RBFOX1: variants seen among roughly 807,000 people sequenced by gnomAD.
RBFOX1 encodes RNA binding protein fox-1 homolog 1.
RBFOX1 carries 8 observed loss-of-function variants against 57.7 expected under a neutral mutation model. The observed-to-expected ratio is 0.14, with a 90% CI of 0.08 to 0.25. The LOEUF (loss-of-function observed/expected upper bound fraction) is 0.25, where lower values mean the gene tolerates loss of function less well. RBFOX1 is among the 10% of genes least tolerant of loss of function. The probability of loss-of-function intolerance (pLI) is 1.00; values close to 1 mark genes in which losing one functional copy is unlikely to be tolerated. For missense variants in RBFOX1, 611 were observed against 548.5 expected (o/e 1.11, Z -1.14); for synonymous variants, 326 against 222.4 (o/e 1.47, Z -4.15).
At chr16:6,033,581 C>A (rs1329922082) in intron 1 of RBFOX1, among the ~76,000 whole-genome samples, 1 of 151,822 alleles carries the variant, frequency 6.6e-6, no homozygotes, top group South Asian at 2.1e-4. Context: ...AGGATTATTC[C>A]CTCTCATTGT....
chr16:6,896,146 G>A (rs2066859114), intron 3 of RBFOX1, among the ~76,000 whole-genome samples: 1 of 152,072 alleles, frequency 6.6e-6, no homozygotes, highest in Admixed American at 6.6e-5. Context: ...GGTGGTGGGT[G>A]TCTGTAATCC....
chr16:5,652,499 C>T (rs990488255), intron 3 of RBFOX1, among the ~76,000 whole-genome samples: 3 of 152,154 alleles, frequency 2.0e-5, no homozygotes, highest in African/African-American at 7.2e-5. Flanking sequence ...TAATCAGAGT[C>T]TTTGTGCAAC....
intron 1 of RBFOX1, among the ~76,000 whole-genome samples, chr16:5,294,019 A>G (rs2063599851): frequency 6.6e-6 from 1 of 152,188 alleles, no homozygotes. Flanking sequence ...ACCTGAGGCC[A>G]GGAGTTCGAG....
chr16:5,599,285 G>T, exon 3 of RBFOX1: 1 of 641,978 alleles, frequency 1.6e-6, no homozygotes, highest in South Asian at 1.8e-5. Context: ...GCCCTGGTGT[G>T]ACGGCCCCAG....
chr16:6,021,446 A>G (rs931519519), intron 1 of RBFOX1, among the ~76,000 whole-genome samples: 1 of 152,198 alleles, frequency 6.6e-6, no homozygotes, highest in Non-Finnish European at 1.5e-5. Flanking sequence ...ATTTTTAGCT[A>G]AGATCTTTTA....
At chr16:7,255,739 A>G (rs2094650827) in intron 4 of RBFOX1, among the ~76,000 whole-genome samples, 1 of 152,246 alleles carries the variant, frequency 6.6e-6, no homozygotes, top group Non-Finnish European at 1.5e-5. Flanking sequence ...TACTTAATAT[A>G]TCCAACATAT....
intron 2 of RBFOX1, among the ~76,000 whole-genome samples, chr16:6,577,781 G>C (rs2097463017): frequency 1.3e-5 from 2 of 152,122 alleles, no homozygotes; most frequent in Admixed American, 1.3e-4. Context: ...CCAGTCACAT[G>C]GCCTCCTTTT....
At chr16:5,756,407 T>C (rs191051938) in intron 3 of RBFOX1, among the ~76,000 whole-genome samples, 7,904 of 152,050 alleles carry the variant, frequency 0.052, 688 homozygotes, top group African/African-American at 0.18. Context: ...GATACCGTTT[T>C]TCTTCTTGCT....
chr16:6,311,295 CAAAAAAA>C (rs71145210), intron 1 of RBFOX1, among the ~76,000 whole-genome samples: 13 of 91,236 alleles, frequency 1.4e-4, no homozygotes, highest in Non-Finnish European at 2.3e-4. Context: ...GACTCTGTCT[CAAAAAAA>C]AAAAAAAAAA....
At chr16:6,978,037 C>G (rs551928351) in intron 3 of RBFOX1, among the ~76,000 whole-genome samples, 373 of 150,522 alleles carry the variant, frequency 2.5e-3, no homozygotes, top group African/African-American at 8.8e-3. Flanking sequence ...GTCCCCCAAG[C>G]CCCGCCCTCC....
At chr16:5,254,752 G>C (rs763156907) in intron 1 of RBFOX1, among the ~76,000 whole-genome samples, 4 of 152,210 alleles carry the variant, frequency 2.6e-5, no homozygotes, top group Non-Finnish European at 5.9e-5. Flanking sequence ...GGAAAAGGCT[G>C]TGTGATGACA....
intron 1 of RBFOX1, among the ~76,000 whole-genome samples, chr16:6,131,717 C>T (rs1486295785): frequency 6.6e-6 from 1 of 152,166 alleles, no homozygotes; most frequent in Non-Finnish European, 1.5e-5. Flanking sequence ...GTTATAAAAG[C>T]CCATTTCCTC....
At chr16:5,461,046 G>C (rs1013895300) in intron 1 of RBFOX1, among the ~76,000 whole-genome samples, 1 of 152,230 alleles carries the variant, frequency 6.6e-6, no homozygotes, top group Non-Finnish European at 1.5e-5. Context: ...TCTCTACTGG[G>C]GTGGGGGTCC....
In RBFOX1 at chr16:7,308,256, G is replaced by A. The variant is rs186631785; in HGVS notation, c.28-209891G>A. Among the ~76,000 whole-genome samples, 65 of 148,570 alleles carry A rather than the reference G, an allele frequency of 4.4e-4. 1 individual carries two copies. The East Asian group carries it at 0.011, about 25-fold the overall frequency. ...ACAGACAGGATGGATGATGAGATTCGTTTTCTGATGCAAACTGCGTGTCAG... is the reference window on the plus strand; with the variant it reads ...ACAGACAGGATGGATGATGAGATTCATTTTCTGATGCAAACTGCGTGTCAG... On this transcript the variant is annotated intron_variant, in intron 4 of 15. Coordinates refer to ENST00000550418, the MANE Select transcript of RBFOX1 (RefSeq NM_018723.4).
chr16:7,072,622 T>G (rs936484573), intron 4 of RBFOX1, among the ~76,000 whole-genome samples: 1 of 152,226 alleles, frequency 6.6e-6, no homozygotes, highest in African/African-American at 2.4e-5. Flanking sequence ...TCTAGAAAGC[T>G]GCCCTAGGAA....
At chr16:7,569,799 T>G (rs1414250086) in intron 5 of RBFOX1, among the ~76,000 whole-genome samples, 1 of 152,062 alleles carries the variant, frequency 6.6e-6, no homozygotes, top group Non-Finnish European at 1.5e-5. Flanking sequence ...GCCTAGGAAG[T>G]TGGGATTGCA....
chr16:6,913,873 G>A (rs762451851), intron 3 of RBFOX1, among the ~76,000 whole-genome samples: 1 of 152,184 alleles, frequency 6.6e-6, no homozygotes. Flanking sequence ...CAATCTATTA[G>A]CAAGGTGCCA....
At chr16:6,275,284 C>T (rs2075678020) in intron 1 of RBFOX1, among the ~76,000 whole-genome samples, 1 of 150,392 alleles carries the variant, frequency 6.6e-6, no homozygotes, top group South Asian at 2.1e-4. Flanking sequence ...GCACTTCAGC[C>T]TGGGCGACAG....
At chr16:6,472,084 G>C (rs2095189284) in intron 2 of RBFOX1, among the ~76,000 whole-genome samples, 1 of 152,072 alleles carries the variant, frequency 6.6e-6, no homozygotes, top group Non-Finnish European at 1.5e-5. Context: ...CTAGTCATCA[G>C]ACTCTACCGA....
Sources: allele counts gnomAD v4.1 joint callset (sites outside exome capture counted in the v4.1 genomes callset), GRCh38; gene constraint gnomAD v4.1.1; transcripts MANE v1.5; gene names NCBI Gene and HGNC (gene_info 2026-07-23, HGNC 2026-07-21).